Variants in GALNT15 observed in about 807,000 individuals in gnomAD.
GALNT15 encodes the protein UDP-GalNAc transferase T15.
A neutral mutation model predicts 66.8 loss-of-function variants in GALNT15; 67 were observed. The ratio of observed to expected loss-of-function variants is 1.00; its 90% CI spans 0.82 to 1.23. GALNT15 has a LOEUF of 1.23. Ranked by LOEUF, GALNT15 falls within the 50% of genes most tolerant of loss-of-function variation. GALNT15 has a pLI of 0.00. For missense variants in GALNT15, 827 were observed against 804.3 expected, an observed-to-expected ratio of 1.03 and a Z score of -0.34; for synonymous variants, 313 against 311.5, an observed-to-expected ratio of 1.00 and a Z score of -0.05.
Position 16,203,783 on chromosome 3 carries a change from G to A in GALNT15, c.911+2960G>A, listed in dbSNP as rs1243693798. Reference sequence around the variant, plus strand: ...ATCTGGAAGAAAAGCCACCTTTCTGGTATCTGAGTCCCACTCTCTCCACTC... The same window carrying A: ...ATCTGGAAGAAAAGCCACCTTTCTGATATCTGAGTCCCACTCTCTCCACTC... On this transcript the variant is annotated intron_variant, in intron 3 of 9. Coordinates refer to ENST00000339732, the MANE Select transcript of GALNT15 (RefSeq NM_054110.5). The surrounding 1 kb of genome is among the most constrained non-coding windows in gnomAD (Gnocchi z 6.2). 1.3e-5 allele frequency among the ~76,000 whole-genome samples: 2 copies of A among 152,176 alleles called. No individual in the cohort carries two copies. The highest frequency in any genetic ancestry group is 2.4e-5 in the African/African-American group (1 of 41,508).
chr3:16,240,069 G>A, the GALNT15 span, among the ~76,000 whole-genome samples: 1 of 152,192 alleles, frequency 6.6e-6, no homozygotes, highest in Non-Finnish European at 1.5e-5. Flanking sequence ...AGCACAGAAG[G>A]TAATGGCATC....
intron 1 of GALNT15, among the ~76,000 whole-genome samples, chr3:16,179,877 T>A (rs2063450968): frequency 6.6e-6 from 1 of 152,188 alleles, no homozygotes; most frequent in African/African-American, 2.4e-5. Flanking sequence ...AACTCAGCCC[T>A]TCAAAGCTGC....
the GALNT15 span, among the ~76,000 whole-genome samples, chr3:16,244,818 A>C: frequency 6.6e-6 from 1 of 151,682 alleles, no homozygotes; most frequent in African/African-American, 2.4e-5. Flanking sequence ...ACCCAAACTG[A>C]GGTCATATAA....
chr3:16,236,100 G>A (rs2064123690), downstream of GALNT15, among the ~76,000 whole-genome samples: 1 of 7,064 alleles, frequency 1.4e-4, no homozygotes, highest in Non-Finnish European at 3.5e-4. Context: ...GCAAGACTAT[G>A]TCTCAAAAAA....
In GALNT15 at chr3:16,195,829, C is replaced by T; in HGVS notation, c.609C>T (p.Ala203=). The T allele has an allele frequency of 6.2e-7, 1 of 1,614,062 alleles. No individual in the cohort carries two copies. Among genetic ancestry groups the T allele is most frequent in the Non-Finnish European group, 8.5e-7 (1 of 1,179,968 alleles). Residue 203 remains alanine (A), a synonymous_variant, in exon 2 of 10, where the codon GCC becomes GCT. Transcript: ENST00000339732. The surrounding 1 kb of genome is among the most constrained non-coding windows in gnomAD (Gnocchi z 4.6). Reference sequence around the variant, plus strand: ...TCATCCTCTGTTTCCATGATGAGGCCTGGTCCACTCTCCTGCGGACTGTAC... The same window carrying T: ...TCATCCTCTGTTTCCATGATGAGGCTTGGTCCACTCTCCTGCGGACTGTAC... ...ASVILCFHDE[A]WSTLLRTVHS... is the part of the protein sequence containing the mutation.
At chr3:16,239,986 C>G in the GALNT15 span, among the ~76,000 whole-genome samples, 2 of 152,318 alleles carry the variant, frequency 1.3e-5, no homozygotes, top group East Asian at 1.9e-4. The surrounding 1 kb of genome is among the most constrained non-coding windows in gnomAD (Gnocchi z 5.2). Context: ...AAGGCTTTAC[C>G]ATAAGACAGA....
At chr3:16,216,779 T>G (rs148783000) in intron 6 of GALNT15, among the ~76,000 whole-genome samples, 11 of 152,330 alleles carry the variant, frequency 7.2e-5, no homozygotes, top group African/African-American at 2.4e-4. Context: ...CGTTACCAGT[T>G]GCGCATTCCC....
chr3:16,234,346 G>C (rs145673730), downstream of GALNT15, among the ~76,000 whole-genome samples: 647 of 151,758 alleles, frequency 4.3e-3, 14 homozygotes, highest in South Asian at 0.046. Context: ...TTCCGCGAAA[G>C]CCAAAGAAGA....
At chr3:16,210,514 T>A (rs1273298805) in intron 4 of GALNT15, among the ~76,000 whole-genome samples, 1 of 152,232 alleles carries the variant, frequency 6.6e-6, no homozygotes, top group East Asian at 1.9e-4. Flanking sequence ...ACCCTCTGAC[T>A]ACATCTTTCT....
chr3:16,246,363 G>C, the GALNT15 span, among the ~76,000 whole-genome samples: 1 of 114,874 alleles, frequency 8.7e-6, no homozygotes, highest in African/African-American at 3.4e-5. Flanking sequence ...GTCTCGCTCT[G>C]TTGCCAGGCT....
intron 1 of GALNT15, among the ~76,000 whole-genome samples, chr3:16,190,531 A>G (rs567053796): frequency 2.2e-4 from 33 of 151,704 alleles, no homozygotes; most frequent in South Asian, 1.3e-3. Flanking sequence ...CCAGCTACTC[A>G]GGAGGCTGAG....
chr3:16,213,812 A>C (rs1297831342), intron 6 of GALNT15, among the ~76,000 whole-genome samples: 1 of 152,192 alleles, frequency 6.6e-6, no homozygotes, highest in Non-Finnish European at 1.5e-5. Context: ...GGCCAGCCTG[A>C]CAGGGAAGCC....
At chr3:16,236,417 A>G (rs1254318759), downstream of GALNT15, among the ~76,000 whole-genome samples, 1 of 152,228 alleles carries the variant, frequency 6.6e-6, no homozygotes, top group African/African-American at 2.4e-5. Flanking sequence ...ACAATAATCA[A>G]CAAATGACCA....
rs201639800 is a variant in GALNT15, at chr3:16,214,787, AG to A, written c.1392+2026del. Among the ~76,000 whole-genome samples, 640 of 152,292 alleles carry A rather than the reference AG, an allele frequency of 4.2e-3. 4 individuals carry two copies. The highest frequency in any genetic ancestry group is 0.015 in the African/African-American group (615 of 41,550). The stretch of plus-strand genomic sequence containing the variant: ...GAATGGGTTCAACTCAGACATCCAG[AG>A]GAGGAGTTGGGGGAAGACTCTGGAG... On this transcript the variant is annotated intron_variant, in intron 6 of 9. Transcript: ENST00000339732.
chr3:16,206,509 C>G (rs1172969364), intron 3 of GALNT15, among the ~76,000 whole-genome samples: 1 of 151,198 alleles, frequency 6.6e-6, no homozygotes, highest in Non-Finnish European at 1.5e-5. Context: ...CCCGTGTATA[C>G]TAAAAATACA....
Position 16,229,296 on chromosome 3 carries a change from C to T in GALNT15, c.*1796C>T. The T allele has an allele frequency of 1.0e-6, 1 of 958,590 alleles. No individual in the cohort carries two copies. The highest frequency in any genetic ancestry group is 1.2e-6 in the Non-Finnish European group (1 of 805,426). The allele number at this position is 958,590 out of a possible 1,614,324, so 59.4% of individuals were successfully genotyped here. A position where few individuals can be genotyped will look rare whatever the true frequency, so the allele number is the denominator to read the frequency against. On this transcript the variant is annotated 3_prime_UTR_variant, in exon 10 of 10. Coordinates refer to ENST00000339732, the MANE Select transcript of GALNT15 (RefSeq NM_054110.5). ...TGCTGTCTAATATGGTAGCCACTAA[C>T]AAAATGTGGCCATTTTGATGGAAAT... is the stretch of plus-strand genomic sequence containing the variant.
intron 6 of GALNT15, among the ~76,000 whole-genome samples, chr3:16,216,455 C>T (rs1386371821): frequency 1.3e-5 from 2 of 151,688 alleles, no homozygotes. Flanking sequence ...GCTGATATCG[C>T]CCCACTGCAC....
At chr3:16,220,459 G>A (rs2124899759) in intron 8 of GALNT15, among the ~76,000 whole-genome samples, 1 of 152,314 alleles carries the variant, frequency 6.6e-6, no homozygotes, top group Non-Finnish European at 1.5e-5. Flanking sequence ...TGGTCATTAG[G>A]AAGGTCTCCT....
chr3:16,195,001 TAGTA>T lies in GALNT15; in HGVS notation c.540-755_540-752del, dbSNP rs2063617685. 6.6e-6 allele frequency among the ~76,000 whole-genome samples: 1 copy of T among 152,164 alleles called. No individual in the cohort carries two copies. The highest frequency in any genetic ancestry group is 2.4e-5 in the African/African-American group (1 of 41,446). On this transcript the variant is annotated intron_variant, in intron 1 of 9. Transcript: ENST00000339732. This position sits in a 1 kb window ranked among gnomAD's most constrained non-coding sequence, Gnocchi z 4.6. ...GAACTTAAAATAAAATTTTAAAAAA[TAGTA>T]AGTGCTAACATTTAAAAATTGTGTG...
Sources: gnomAD v4.1 joint callset for allele counts (sites outside exome capture counted in the v4.1 genomes callset) on GRCh38, gnomAD v4.1.1 for gene constraint, Gnocchi (gnomAD v3.1) non-coding constraint, MANE v1.5 for transcripts, NCBI Gene and HGNC (gene_info 2026-07-23, HGNC 2026-07-21) for gene names.